Variants in WDPCP observed in about 807,000 individuals in gnomAD.
The protein encoded by WDPCP is WD repeat containing planar cell polarity effector.
A neutral mutation model predicts 93.1 loss-of-function variants in WDPCP; 71 were observed. The ratio of observed to expected loss-of-function variants is 0.76; its 90% confidence interval spans 0.63 to 0.93. The LOEUF is 0.93. WDPCP is among the 40% of genes least tolerant of loss of function. WDPCP has a pLI of 0.00. For missense variants in WDPCP, 844 were observed against 887.4 expected (o/e 0.95, Z 0.62); for synonymous variants, 315 against 315.0 (o/e 1.00, Z 0.00).
At chr2:63,331,567 A>G (rs1687977790) in intron 12 of WDPCP, among the ~76,000 whole-genome samples, 1 of 152,178 alleles carries the variant, frequency 6.6e-6, no homozygotes, top group Non-Finnish European at 1.5e-5. Context: ...TAAACAGTGC[A>G]AGGGGTTTAG....
At chr2:63,135,519 A>G (rs1670556381) in intron 17 of WDPCP, among the ~76,000 whole-genome samples, 1 of 151,972 alleles carries the variant, frequency 6.6e-6, no homozygotes, top group Non-Finnish European at 1.5e-5. Flanking sequence ...TTTAGGAGAG[A>G]CAGCGTTTCA....
rs891554437 is a variant in WDPCP at position 63,403,967 on chromosome 2, T to C, written c.1435+81A>G. The C allele has an allele frequency of 7.6e-6, 12 of 1,580,130 alleles. No homozygotes were observed. The African/African-American group carries it at 1.6e-4, about 21-fold the overall frequency. On this transcript the variant is annotated intron_variant, in intron 10 of 17. Coordinates refer to ENST00000272321, the MANE Select transcript of WDPCP (RefSeq NM_015910.7). ...GGATGATAAATAGAAAAATCTACAT[T>C]CTAAGAATAGTTTTATTGCCTTAAT...
chr2:63,230,347 T>G (rs1424459421), intron 14 of WDPCP, among the ~76,000 whole-genome samples: 1 of 152,142 alleles, frequency 6.6e-6, no homozygotes, highest in Non-Finnish European at 1.5e-5. Context: ...GATGGACATT[T>G]GGGTTGGTTC....
chr2:63,225,592 G>A (rs1476162359), intron 14 of WDPCP, among the ~76,000 whole-genome samples: 2 of 151,810 alleles, frequency 1.3e-5, no homozygotes, highest in African/African-American at 4.8e-5. Flanking sequence ...ATTTATAATA[G>A]CCTCAAACTG....
chr2:63,287,963 T>C (rs747246501), intron 13 of WDPCP, among the ~76,000 whole-genome samples: 3 of 152,198 alleles, frequency 2.0e-5, no homozygotes, highest in Non-Finnish European at 2.9e-5. Flanking sequence ...GGTATAAAAC[T>C]CCTCTATATA....
intron 2 of WDPCP, among the ~76,000 whole-genome samples, chr2:63,792,224 T>C (rs979247445): frequency 6.6e-6 from 1 of 152,184 alleles, no homozygotes; most frequent in Non-Finnish European, 1.5e-5. Flanking sequence ...CAGTTCCACA[T>C]GGCTGGGGAG....
intron 2 of WDPCP, among the ~76,000 whole-genome samples, chr2:63,688,029 T>A (rs1233382095): frequency 1.3e-5 from 2 of 152,162 alleles, no homozygotes; most frequent in Non-Finnish European, 2.9e-5. Flanking sequence ...ATCCTGTCAT[T>A]TGCAACAACA....
chr2:63,232,135 A>G (rs554975820), intron 14 of WDPCP, among the ~76,000 whole-genome samples: 1 of 152,368 alleles, frequency 6.6e-6, no homozygotes, highest in East Asian at 1.9e-4. Flanking sequence ...CATAGGTAGA[A>G]AGCTGAAACT....
chr2:63,299,649 A>G (rs1170194903), intron 13 of WDPCP, among the ~76,000 whole-genome samples: 1 of 152,164 alleles, frequency 6.6e-6, no homozygotes. Context: ...CGGGGTGCAT[A>G]CGAGCCTCGA....
At chr2:63,334,482 G>C (rs1055531891) in intron 12 of WDPCP, among the ~76,000 whole-genome samples, 1 of 152,162 alleles carries the variant, frequency 6.6e-6, no homozygotes, top group Non-Finnish European at 1.5e-5. Flanking sequence ...TGGAGATGGG[G>C]AGGGGACATT....
At chr2:63,205,119 C>T (rs76825829) in intron 14 of WDPCP, among the ~76,000 whole-genome samples, 1 of 152,110 alleles carries the variant, frequency 6.6e-6, no homozygotes, top group Non-Finnish European at 1.5e-5. Flanking sequence ...CCAGTGTATG[C>T]TTTTGTCACC....
At chr2:63,185,748 A>C (rs1480619915) in intron 14 of WDPCP, among the ~76,000 whole-genome samples, 1 of 152,094 alleles carries the variant, frequency 6.6e-6, no homozygotes, top group Non-Finnish European at 1.5e-5. Flanking sequence ...GTAGTAGTAA[A>C]ATTCATGCTT....
intron 2 of WDPCP, among the ~76,000 whole-genome samples, chr2:63,693,016 T>C (rs1375787931): frequency 6.6e-6 from 1 of 152,226 alleles, no homozygotes; most frequent in Non-Finnish European, 1.5e-5. Flanking sequence ...ATACCATTAT[T>C]ATCCCCATTC....
chr2:63,794,100 C>T (rs1246868555), intron 2 of WDPCP, among the ~76,000 whole-genome samples: 4 of 152,064 alleles, frequency 2.6e-5, no homozygotes, highest in Admixed American at 2.6e-4. Context: ...CCGGCCATGT[C>T]ATGCAAAAAA....
chr2:63,146,430 A>G (rs1275308463), intron 17 of WDPCP, among the ~76,000 whole-genome samples: 1 of 139,698 alleles, frequency 7.2e-6, no homozygotes, highest in Non-Finnish European at 1.5e-5. Context: ...TTTTTGACAG[A>G]GTCTTGCTGT....
intron 1 of WDPCP, among the ~76,000 whole-genome samples, chr2:63,826,461 T>C (rs1671115429): frequency 6.6e-6 from 1 of 152,164 alleles, no homozygotes; most frequent in Non-Finnish European, 1.5e-5. Context: ...AAGCAGTCCT[T>C]GTTAACTTTT....
intron 13 of WDPCP, among the ~76,000 whole-genome samples, chr2:63,261,402 A>C (rs966033621): frequency 6.6e-6 from 1 of 152,140 alleles, no homozygotes; most frequent in African/African-American, 2.4e-5. Flanking sequence ...TAGCTAATAG[A>C]ATTCTAAAAA....
chr2:63,671,031 C>T (rs1575743545), intron 2 of WDPCP, among the ~76,000 whole-genome samples: 1 of 152,136 alleles, frequency 6.6e-6, no homozygotes, highest in African/African-American at 2.4e-5. Flanking sequence ...CTGCACAGTT[C>T]GAACCTTTAA....
chr2:63,524,716 G>A (rs1163870846), intron 1 of WDPCP, among the ~76,000 whole-genome samples: 1 of 152,042 alleles, frequency 6.6e-6, no homozygotes, highest in African/African-American at 2.4e-5. Context: ...GATGAAGATG[G>A]CAAAAGCAAT....
Sources: gnomAD v4.1 joint callset for allele counts (sites outside exome capture counted in the v4.1 genomes callset) on GRCh38, gnomAD v4.1.1 for gene constraint, MANE v1.5 for transcripts, NCBI Gene and HGNC (gene_info 2026-07-23, HGNC 2026-07-21) for gene names.